OOEP: variants seen among roughly 807,000 people sequenced by gnomAD.
The protein encoded by OOEP is oocyte-expressed protein homolog.
OOEP carries 16 observed loss-of-function variants against 13.7 expected under a neutral mutation model. That is an observed-to-expected ratio of 1.16 (90% CI 0.79 to 1.77). OOEP has a LOEUF of 1.77. Among genes scored for constraint, OOEP ranks in the 40% most tolerant of loss-of-function variants. The pLI, the probability that OOEP is intolerant of heterozygous loss-of-function variation, is 0.00. For missense variants in OOEP, 195 were observed against 193.1 expected, an observed-to-expected ratio of 1.01 and a Z score of -0.06; for synonymous variants, 89 against 77.1, an observed-to-expected ratio of 1.15 and a Z score of -0.81.
intron 2 of OOEP, chr6:73,391,343 G>A (rs1048407400): frequency 1.3e-5 from 2 of 152,962 alleles, no homozygotes; most frequent in African/African-American, 4.8e-5. Context: ...TAGAGAAATT[G>A]AAGTTTTTGG....
upstream of OOEP, chr6:73,370,152 A>C: frequency 8.8e-6 from 2 of 228,454 alleles, no homozygotes; most frequent in East Asian, 2.0e-4. Context: ...TGAATTGACG[A>C]CTCTATTAAT....
At chr6:73,371,782 T>C (rs573459735), upstream of OOEP, among the ~76,000 whole-genome samples, 1 of 150,552 alleles carries the variant, frequency 6.6e-6, no homozygotes, top group East Asian at 2.0e-4. Context: ...TAAAAAAATT[T>C]GGCCAGTGTG....
At chr6:73,370,235 A>G (rs2150778616), upstream of OOEP, 1 of 177,464 alleles carries the variant, frequency 5.6e-6, no homozygotes, top group African/African-American at 2.4e-5. Flanking sequence ...TATCGGACCC[A>G]GGGCAGGCTT....
intron 2 of OOEP, among the ~76,000 whole-genome samples, chr6:73,384,728 GACAA>G (rs982749088): frequency 2.0e-5 from 3 of 150,914 alleles, no homozygotes; most frequent in Non-Finnish European, 4.4e-5. Context: ...TAGGCAACAA[GACAA>G]ACAAACCTTT....
At chr6:73,377,347 G>A (rs1219514170) in intron 2 of OOEP, among the ~76,000 whole-genome samples, 3 of 152,200 alleles carry the variant, frequency 2.0e-5, no homozygotes, top group African/African-American at 4.8e-5. Context: ...ATAGGGCTCT[G>A]CTCACAAAGC....
chr6:73,371,476 C>T (rs1015240745), upstream of OOEP, among the ~76,000 whole-genome samples: 13 of 151,370 alleles, frequency 8.6e-5, no homozygotes, highest in African/African-American at 1.5e-4. Context: ...GGGCCAGACA[C>T]GGTCACTCAT....
chr6:73,392,933 A>ATT (rs1219264587), intron 2 of OOEP, among the ~76,000 whole-genome samples: 1 of 150,476 alleles, frequency 6.6e-6, no homozygotes, highest in Non-Finnish European at 1.5e-5. Flanking sequence ...TCCAGCCAAT[A>ATT]TTTTTTGCAT....
chr6:73,376,344 G>GTTGTTTT (rs1769137233), intron 2 of OOEP, among the ~76,000 whole-genome samples: 1 of 103,558 alleles, frequency 9.7e-6, no homozygotes, highest in African/African-American at 4.0e-5. Flanking sequence ...ACAAGGGGTT[G>GTTGTTTT]TTTTTTTTTT....
chr6:73,381,328 AATTCAGGCTACTTGG>A (rs1268427167), intron 2 of OOEP, among the ~76,000 whole-genome samples: 1 of 152,090 alleles, frequency 6.6e-6, no homozygotes, highest in Non-Finnish European at 1.5e-5. Flanking sequence ...CAAGATTTGG[AATTCAGGCTACTTGG>A]ATTTCAGGCT....
In OOEP at chr6:73,369,348, C is replaced by T; in HGVS notation, c.228G>A (p.Thr76=). 6.2e-7 allele frequency: 1 copy of T among 1,613,448 alleles called. No individual in the cohort carries two copies. Residue 76 remains threonine (T), a synonymous_variant, in exon 2 of 3, where the codon ACG becomes ACA. Coordinates refer to ENST00000370359, the MANE Select transcript of OOEP (RefSeq NM_001080507.3). ...DRAIIPEMEW[T]SQALLTVDIV... is the part of the protein sequence containing the mutation. Reference sequence around the variant, plus strand: ...TGTCCACTGTCAGCAGGGCCTGGCTCGTCCACTCCATTTCTGGAATTATGG... The same window carrying T: ...TGTCCACTGTCAGCAGGGCCTGGCTTGTCCACTCCATTTCTGGAATTATGG...
At chr6:73,393,021 C>G (rs1352080921) in intron 2 of OOEP, among the ~76,000 whole-genome samples, 1 of 151,642 alleles carries the variant, frequency 6.6e-6, no homozygotes, top group African/African-American at 2.4e-5. Flanking sequence ...GCCTGCCTCA[C>G]ATTCCCAAGG....
In OOEP at chr6:73,369,241, C is replaced by A. The variant is rs968416869; in HGVS notation, c.335G>T (p.Cys112Phe). 16 of 1,613,432 alleles carry A rather than the reference C, an allele frequency of 9.9e-6. No homozygotes were observed. Among genetic ancestry groups the A allele is most frequent in the African/African-American group, 1.3e-5 (1 of 74,886 alleles). ...VQNRVKSMLL[C>F]LAWFHREHRA... ...ATGTTCTCGGTGAAACCATGCCAGGCACAGGAGCATGCTCTTCACCCGATT... is the reference window on the plus strand; with the variant it reads ...ATGTTCTCGGTGAAACCATGCCAGGAACAGGAGCATGCTCTTCACCCGATT... The change falls in exon 2 of 3, where the codon TGC becomes TTC. Residue 112 changes from cysteine to phenylalanine, a missense_variant. By Grantham distance (205) the Cys-to-Phe change is radical. Transcript: ENST00000370359.
At chr6:73,369,002 A>C (rs1769000363) in intron 2 of OOEP, 139 bp from the exon 3 acceptor site, 1 of 813,074 alleles carries the variant, frequency 1.2e-6, no homozygotes, top group Admixed American at 2.1e-5. Flanking sequence ...TTGGGCAGTG[A>C]TGGGTCTGAA....
chr6:73,386,091 C>CTTT (rs553140658), intron 2 of OOEP, among the ~76,000 whole-genome samples: 2 of 134,814 alleles, frequency 1.5e-5, no homozygotes. Flanking sequence ...ACATGCTTTT[C>CTTT]TTTTTTTTTT....
chr6:73,371,155 A>C (rs1769047458), upstream of OOEP, among the ~76,000 whole-genome samples: 2 of 152,108 alleles, frequency 1.3e-5, no homozygotes, highest in Admixed American at 6.6e-5. Context: ...ACTCCACATG[A>C]TCATCTAGGA....
At chr6:73,392,619 CTTTTTTTTTTTTTTTT>C (rs70994198) in intron 2 of OOEP, among the ~76,000 whole-genome samples, 1 of 43,992 alleles carries the variant, frequency 2.3e-5, no homozygotes, top group Non-Finnish European at 3.7e-5. Context: ...CCTAGGTAAT[CTTTTTTTTTTTTTTTT>C]TTTTTTTTTT....
At chr6:73,395,100 C>T (rs771247642), upstream of OOEP, 9 of 1,614,122 alleles carry the variant, frequency 5.6e-6, no homozygotes, top group Admixed American at 6.7e-5. Context: ...CCGCTGGTCA[C>T]GAGGAACTGC....
upstream of OOEP, chr6:73,369,986 C>T (rs73448576): frequency 2.9e-5 from 17 of 586,220 alleles, no homozygotes; most frequent in Middle Eastern, 9.1e-4. Context: ...ACTTCCTGCG[C>T]TGCTTCAATC....
chr6:73,389,326 C>G (rs1026632952), intron 2 of OOEP, among the ~76,000 whole-genome samples: 2 of 152,096 alleles, frequency 1.3e-5, no homozygotes, highest in Non-Finnish European at 2.9e-5. Context: ...TCAGGTCACA[C>G]CCGAGGCAAA....
Sources: gnomAD v4.1 joint callset for allele counts (sites outside exome capture counted in the v4.1 genomes callset) on GRCh38, gnomAD v4.1.1 for gene constraint, MANE v1.5 for transcripts, NCBI Gene and HGNC (gene_info 2026-07-23, HGNC 2026-07-21) for gene names.